Variants in GUCY1A2 observed in about 807,000 individuals in gnomAD.
The protein encoded by GUCY1A2 is guanylate cyclase 1 soluble subunit alpha 2.
In GUCY1A2, 27 loss-of-function variants were observed where a neutral mutation model predicts 63.5. The ratio of observed to expected loss-of-function variants is 0.43; its 90% CI spans 0.31 to 0.59. GUCY1A2 has a LOEUF of 0.59. GUCY1A2 is among the 20% of genes least tolerant of loss of function. The pLI is 0.11. For synonymous variants in GUCY1A2, 364 were observed against 343.5 expected (o/e 1.06, Z -0.66); for missense variants, 768 against 913.3 (o/e 0.84, Z 2.05).
At chr11:106,950,867 C>T (rs1860897946) in intron 3 of GUCY1A2, among the ~76,000 whole-genome samples, 1 of 152,068 alleles carries the variant, frequency 6.6e-6, no homozygotes, top group Non-Finnish European at 1.5e-5. Flanking sequence ...CACCTATTGA[C>T]CCATCCTCTA....
intron 4 of GUCY1A2, among the ~76,000 whole-genome samples, chr11:106,885,656 A>G (rs1859888530): frequency 6.6e-6 from 1 of 152,122 alleles, no homozygotes; most frequent in African/African-American, 2.4e-5. Flanking sequence ...CCATTTCCCC[A>G]CATATAAAAT....
At chr11:106,784,134 C>G (rs1316554265) in intron 5 of GUCY1A2, among the ~76,000 whole-genome samples, 1 of 152,188 alleles carries the variant, frequency 6.6e-6, no homozygotes, top group East Asian at 1.9e-4. Flanking sequence ...CCTCCACCAG[C>G]ATCTCTCCAC....
chr11:106,923,313 C>T (rs1229899601), intron 4 of GUCY1A2, among the ~76,000 whole-genome samples: 1 of 152,164 alleles, frequency 6.6e-6, no homozygotes, highest in Non-Finnish European at 1.5e-5. Flanking sequence ...GAATAAATTA[C>T]AAAATCCTTA....
intron 6 of GUCY1A2, among the ~76,000 whole-genome samples, chr11:106,750,209 C>A (rs1477646358): frequency 2.0e-5 from 3 of 152,050 alleles, no homozygotes; most frequent in African/African-American, 7.2e-5. Flanking sequence ...AGAGTGGAAG[C>A]AAGTGTCCAA....
At chr11:106,720,328 T>A (rs758037317) in intron 6 of GUCY1A2, among the ~76,000 whole-genome samples, 12 of 152,194 alleles carry the variant, frequency 7.9e-5, no homozygotes, top group Non-Finnish European at 1.6e-4. Flanking sequence ...CGACTTTGTC[T>A]TGGGCGTTGG....
At chr11:107,009,635 G>A (rs889029379) in intron 1 of GUCY1A2, among the ~76,000 whole-genome samples, 4 of 152,164 alleles carry the variant, frequency 2.6e-5, no homozygotes, top group Admixed American at 2.6e-4. Flanking sequence ...TACAAATGGT[G>A]AAACCTCAAA....
At position 107,012,236 on chromosome 11, in the gene GUCY1A2, G is replaced by A. The variant is rs79982485; in HGVS notation, c.303+5517C>T. Among the ~76,000 whole-genome samples the A allele has an allele frequency of 6.7e-3, 971 of 145,734 alleles. 6 individuals carry two copies. The highest frequency in any genetic ancestry group is 0.018 in the Middle Eastern group (5 of 282). On this transcript the variant is annotated intron_variant, in intron 1 of 7. Transcript: ENST00000526355. ...TTTAATGGATTGTCTGGGCTATGCC[G>A]ACAAAATACAGTGCTTCTTATTACT... is the stretch of plus-strand genomic sequence containing the variant.
At chr11:106,760,625 T>C (rs958313033) in intron 6 of GUCY1A2, among the ~76,000 whole-genome samples, 1 of 152,152 alleles carries the variant, frequency 6.6e-6, no homozygotes, top group Admixed American at 6.6e-5. Context: ...AAAATAAATA[T>C]TCCTGAAGAT....
intron 4 of GUCY1A2, among the ~76,000 whole-genome samples, chr11:106,931,958 A>T (rs1860608707): frequency 1.3e-5 from 2 of 152,208 alleles, no homozygotes; most frequent in Admixed American, 1.3e-4. Flanking sequence ...TTACCAAAAA[A>T]GTACACAAGA....
At chr11:106,987,378 C>T (rs1861415186) in intron 1 of GUCY1A2, among the ~76,000 whole-genome samples, 1 of 152,202 alleles carries the variant, frequency 6.6e-6, no homozygotes. Flanking sequence ...GAGCTGGGCA[C>T]TCTGGCTCAC....
intron 4 of GUCY1A2, among the ~76,000 whole-genome samples, chr11:106,859,988 T>A (rs1859487671): frequency 6.6e-6 from 1 of 152,000 alleles, no homozygotes; most frequent in South Asian, 2.1e-4. Flanking sequence ...ATGACTGTAC[T>A]GTAATCTAGC....
At chr11:106,835,005 A>G (rs1859098622) in intron 4 of GUCY1A2, among the ~76,000 whole-genome samples, 1 of 151,972 alleles carries the variant, frequency 6.6e-6, no homozygotes, top group Non-Finnish European at 1.5e-5. Context: ...CTCAGAATAA[A>G]ATAAAGTCAA....
intron 6 of GUCY1A2, among the ~76,000 whole-genome samples, chr11:106,709,293 T>TTA (rs10631781): frequency 0.62 from 62,919 of 101,024 alleles, 20,308 homozygotes; most frequent in African/African-American, 0.78. Context: ...TTATATATAT[T>TTA]TATATTTTTA....
At chr11:106,803,553 C>A (rs553647447) in intron 5 of GUCY1A2, among the ~76,000 whole-genome samples, 1 of 152,102 alleles carries the variant, frequency 6.6e-6, no homozygotes, top group Non-Finnish European at 1.5e-5. Flanking sequence ...CACAGACACA[C>A]GCGCTTCCCA....
At chr11:106,867,726 G>A (rs186030521) in intron 4 of GUCY1A2, among the ~76,000 whole-genome samples, 31 of 152,000 alleles carry the variant, frequency 2.0e-4, no homozygotes, top group African/African-American at 7.5e-4. Context: ...AATAAAACAG[G>A]CCAAATGAAT....
chr11:106,847,510 C>T (rs988402152), intron 4 of GUCY1A2, among the ~76,000 whole-genome samples: 1 of 151,134 alleles, frequency 6.6e-6, no homozygotes, highest in African/African-American at 2.4e-5. Context: ...CAAATTACTC[C>T]AAGATGAGGC....
intron 6 of GUCY1A2, among the ~76,000 whole-genome samples, chr11:106,744,244 CTTTT>C (rs5794491): frequency 8.9e-6 from 1 of 112,686 alleles, no homozygotes; most frequent in African/African-American, 3.7e-5. Flanking sequence ...AACATAAATG[CTTTT>C]TTTTTTTTTT....
intron 4 of GUCY1A2, among the ~76,000 whole-genome samples, chr11:106,884,146 C>T (rs1046714436): frequency 1.3e-5 from 2 of 151,886 alleles, no homozygotes; most frequent in African/African-American, 2.4e-5. Flanking sequence ...CAGACCTGCA[C>T]GTTCTGCACA....
At chr11:106,940,939 A>T (rs1860744621) in intron 3 of GUCY1A2, among the ~76,000 whole-genome samples, 1 of 152,182 alleles carries the variant, frequency 6.6e-6, no homozygotes, top group South Asian at 2.1e-4. Context: ...AAATGCATGT[A>T]TTAAGTGGAA....
Sources: allele counts gnomAD v4.1 joint callset (sites outside exome capture counted in the v4.1 genomes callset), GRCh38; gene constraint gnomAD v4.1.1; transcripts MANE v1.5; gene names NCBI Gene and HGNC (gene_info 2026-07-23, HGNC 2026-07-21).